SEC24A: variants seen among roughly 807,000 people sequenced by gnomAD.
SEC24A encodes the protein SEC24 homolog A, COPII component.
Under a neutral mutation model 129.4 loss-of-function variants are expected in SEC24A, and 93 were observed. The ratio of observed to expected loss-of-function variants is 0.72; its 90% CI spans 0.61 to 0.85. The LOEUF (loss-of-function observed/expected upper bound fraction) is 0.85. Ranked by LOEUF, SEC24A falls within the 40% of genes least tolerant of loss-of-function variation. The pLI is 0.00. For synonymous variants in SEC24A, 460 were observed against 467.3 expected, an observed-to-expected ratio of 0.98 and a Z score of 0.20; for missense variants, 1,264 against 1,307.4, an observed-to-expected ratio of 0.97 and a Z score of 0.51.
At chr5:134,690,207 A>G (rs1010555076) in intron 11 of SEC24A, among the ~76,000 whole-genome samples, 3 of 151,874 alleles carry the variant, frequency 2.0e-5, no homozygotes, top group Non-Finnish European at 2.9e-5. Context: ...TTTAGTAGAA[A>G]CAAGGTCTTA....
In SEC24A at chr5:134,679,664, T is replaced by C. The variant is rs962298213; in HGVS notation, c.1317T>C (p.Asn439=). The C allele has an allele frequency of 6.2e-7, 1 of 1,603,908 alleles. No homozygotes were observed. The highest frequency in any genetic ancestry group is 8.5e-7 in the Non-Finnish European group (1 of 1,172,770). ...GCCGTTCATGCAGGACGTACATCAA[T>C]CCTTTCGTCAGCTTTCTTGATCAAA... is the stretch of plus-strand genomic sequence containing the variant. ...VRCRSCRTYI[N]PFVSFLDQRR... Residue 439 remains asparagine (N), a synonymous_variant, in exon 8 of 23, where the codon AAT becomes AAC. Coordinates refer to ENST00000398844, the MANE Select transcript of SEC24A (RefSeq NM_021982.3).
intron 20 of SEC24A, among the ~76,000 whole-genome samples, chr5:134,718,671 T>C (rs1212059637): frequency 2.6e-5 from 4 of 152,010 alleles, no homozygotes; most frequent in African/African-American, 9.7e-5. Context: ...AAGTAAAAGA[T>C]AAAAAATTTT....
At chr5:134,663,649 C>T (rs1037597893) in intron 2 of SEC24A, among the ~76,000 whole-genome samples, 3 of 152,018 alleles carry the variant, frequency 2.0e-5, no homozygotes, top group South Asian at 2.1e-4. Flanking sequence ...AATAGCAAGA[C>T]CCCATCTCTA....
At chr5:134,714,795 C>A (rs1394842751) in intron 18 of SEC24A, among the ~76,000 whole-genome samples, 1 of 152,140 alleles carries the variant, frequency 6.6e-6, no homozygotes, top group Non-Finnish European at 1.5e-5. Flanking sequence ...CCATGGAGAT[C>A]AGATAACTTT....
chr5:134,673,956 A>G (rs954302961), intron 4 of SEC24A, among the ~76,000 whole-genome samples: 1 of 152,024 alleles, frequency 6.6e-6, no homozygotes, highest in Non-Finnish European at 1.5e-5. Context: ...CAACGTAGTA[A>G]AACCCCATCT....
intron 1 of SEC24A, among the ~76,000 whole-genome samples, chr5:134,658,770 C>G (rs917003708): frequency 2.6e-5 from 4 of 151,960 alleles, no homozygotes; most frequent in Admixed American, 2.6e-4. Context: ...AAACAGACGA[C>G]TTATAGGAAG....
chr5:134,702,640 A>G lies in SEC24A; in HGVS notation c.2267-1119A>G, dbSNP rs535772305. Among the ~76,000 whole-genome samples the G allele has an allele frequency of 3.9e-5, 6 of 152,306 alleles. No homozygotes were observed. The East Asian group carries it at 7.7e-4, about 20-fold the overall frequency. ...GACATATTGTATGTATTTTTATTCA[A>G]TAAACCTTGAAGATTCATTAATTTT... On this transcript the variant is annotated intron_variant, in intron 15 of 22. Transcript: ENST00000398844.
At position 134,682,482 on chromosome 5, in the gene SEC24A, G is replaced by A. The variant is rs368048816; in HGVS notation, c.1491G>A (p.Met497Ile). 6.6e-7 allele frequency: 1 copy of A among 1,514,840 alleles called. No individual in the cohort carries two copies. Among genetic ancestry groups the A allele is most frequent in the African/African-American group, 1.4e-5 (1 of 72,704 alleles). The allele number at this position is 1,514,840 out of a possible 1,614,324, so 93.8% of individuals were successfully genotyped here. A position where few individuals can be genotyped will look rare whatever the true frequency, so the allele number is the denominator to read the frequency against. The stretch of plus-strand genomic sequence containing the variant: ...AGTTTATGGCTCCTTCAGAATACAT[G>A]GTAAACTTTTATTTTTTGATACAGT... Reference protein sequence around the residue: ...TIEFMAPSEYMLRPPQPPVYL... With the variant: ...TIEFMAPSEYILRPPQPPVYL... Residue 497 changes from methionine to isoleucine, a missense_variant and splice_region_variant, in exon 9 of 23, where the codon ATG (methionine) becomes ATA (isoleucine). Physicochemically the swap from Met to Ile is conservative, Grantham distance 10 (BLOSUM62 1). Coordinates refer to ENST00000398844, the MANE Select transcript of SEC24A (RefSeq NM_021982.3).
chr5:134,683,290 A>G (rs2150088914), intron 9 of SEC24A, among the ~76,000 whole-genome samples: 1 of 152,234 alleles, frequency 6.6e-6, no homozygotes, highest in South Asian at 2.1e-4. Flanking sequence ...GAGTGCTGGG[A>G]TTACAGGCAT....
chr5:134,686,426 G>A (rs1213149297), intron 9 of SEC24A, among the ~76,000 whole-genome samples: 2 of 151,948 alleles, frequency 1.3e-5, no homozygotes, highest in African/African-American at 2.4e-5. Flanking sequence ...TAGTAGAGAC[G>A]GGGTTTCGCC....
Position 134,724,964 on chromosome 5 carries a change from G to A in SEC24A, c.3168-16G>A, listed in dbSNP as rs764575901. On this transcript the variant is annotated splice_polypyrimidine_tract_variant and intron_variant, in intron 22 of 22. Transcript: ENST00000398844. ...TGCTACATTTTATCTAAATTTTTTT[G>A]CCTTTTATTCCTAAGGGATGAGAGT... is the stretch of plus-strand genomic sequence containing the variant. 1 of 1,367,152 alleles carries A rather than the reference G, an allele frequency of 7.3e-7. No homozygotes were observed. The highest frequency in any genetic ancestry group is 1.8e-4 in the Middle Eastern group (1 of 5,620). The allele number at this position is 1,367,152 out of a possible 1,614,324, so 84.7% of individuals were successfully genotyped here. A position where few individuals can be genotyped will look rare whatever the true frequency, so the allele number is the denominator to read the frequency against.
In SEC24A at chr5:134,725,242, A is replaced by G. The variant is rs567925242; in HGVS notation, c.*148A>G. 1 of 552,092 alleles carries G rather than the reference A, an allele frequency of 1.8e-6. No homozygotes were observed. The highest frequency in any genetic ancestry group is 3.2e-6 in the Non-Finnish European group (1 of 314,308). 34.2% of individuals were successfully genotyped at this position (552,092 alleles called of 1,614,324 possible). On this transcript the variant is annotated 3_prime_UTR_variant, in exon 23 of 23. Coordinates refer to ENST00000398844, the MANE Select transcript of SEC24A (RefSeq NM_021982.3). ...CTGTGATTTCAACAACCTATAGCAAATAAAAGACCACAGCAGAGAATCAAA... is the reference window on the plus strand; with the variant it reads ...CTGTGATTTCAACAACCTATAGCAAGTAAAAGACCACAGCAGAGAATCAAA...
intron 1 of SEC24A, among the ~76,000 whole-genome samples, chr5:134,653,188 C>T (rs1212383590): frequency 1.3e-5 from 2 of 152,106 alleles, no homozygotes; most frequent in African/African-American, 4.8e-5. Flanking sequence ...ATCCTCCTGC[C>T]TCAGCCTCCC....
chr5:134,675,007 T>G (rs770515277), intron 5 of SEC24A, 38 bp from the exon 6 acceptor site: 1 of 1,496,246 alleles, frequency 6.7e-7, no homozygotes, highest in Non-Finnish European at 9.0e-7. Flanking sequence ...CCTACACACT[T>G]AATAAAAGTT....
intron 9 of SEC24A, 147 bp downstream of exon 9, chr5:134,682,629 C>T (rs1751315490): frequency 3.8e-6 from 2 of 520,868 alleles, no homozygotes; most frequent in Admixed American, 3.5e-5. Context: ...TGCAGTGGTG[C>T]AGTGGCAGGT....
chr5:134,675,881 G>T, intron 6 of SEC24A, 142 bp from the exon 7 acceptor site: 1 of 538,308 alleles, frequency 1.9e-6, no homozygotes, highest in South Asian at 3.2e-5. Flanking sequence ...TATTTAAATG[G>T]GATAAAATTT....
intron 19 of SEC24A, among the ~76,000 whole-genome samples, chr5:134,716,505 A>T (rs1752480834): frequency 6.6e-6 from 1 of 150,944 alleles, no homozygotes; most frequent in Non-Finnish European, 1.5e-5. Context: ...AATTTAAAGA[A>T]TTTAATATGT....
chr5:134,680,704 A>G (rs1272554274), intron 8 of SEC24A, among the ~76,000 whole-genome samples: 1 of 151,098 alleles, frequency 6.6e-6, no homozygotes, highest in African/African-American at 2.4e-5. Context: ...GTGTAGTGGC[A>G]TGATCTCAGC....
intron 21 of SEC24A, among the ~76,000 whole-genome samples, chr5:134,721,596 G>C (rs1752629823): frequency 2.6e-5 from 4 of 151,608 alleles, no homozygotes. Flanking sequence ...GATATGCCAG[G>C]CGTGGTGGCT....
Sources: allele counts gnomAD v4.1 joint callset (sites outside exome capture counted in the v4.1 genomes callset), GRCh38; gene constraint gnomAD v4.1.1; transcripts MANE v1.5; gene names NCBI Gene and HGNC (gene_info 2026-07-23, HGNC 2026-07-21).